ZNF362: variants seen among roughly 807,000 people sequenced by gnomAD.
The protein encoded by ZNF362 is rotund homolog.
ZNF362 carries 11 observed loss-of-function variants against 42.9 expected under a neutral mutation model. The ratio of observed to expected loss-of-function variants is 0.26; its 90% CI spans 0.16 to 0.42. The LOEUF (loss-of-function observed/expected upper bound fraction) is 0.42, where lower values mean the gene tolerates loss of function less well. ZNF362 is among the 20% of genes least tolerant of loss of function. ZNF362 has a pLI of 1.00. For synonymous variants in ZNF362, 255 were observed against 257.3 expected (o/e 0.99, Z 0.09); for missense variants, 362 against 576.2 (o/e 0.63, Z 3.81).
the ZNF362 span, chr1:33,181,040 G>C: frequency 6.3e-7 from 1 of 1,591,918 alleles, no homozygotes; most frequent in Non-Finnish European, 8.5e-7. The surrounding 1 kb of genome is among the most constrained non-coding windows in gnomAD (Gnocchi z 6.5). Flanking sequence ...GCTCGTCGAA[G>C]GCGTCGTCGA....
chr1:33,243,062 A>G, the ZNF362 span, among the ~76,000 whole-genome samples: 1 of 151,976 alleles, frequency 6.6e-6, no homozygotes, highest in Non-Finnish European at 1.5e-5. Flanking sequence ...AGAGATATTC[A>G]AAATAATTAT....
intron 6 of ZNF362, among the ~76,000 whole-genome samples, chr1:33,292,341 G>T (rs879983804): frequency 1.3e-5 from 2 of 152,136 alleles, no homozygotes; most frequent in Admixed American, 1.3e-4. Context: ...GGTGTTTGTC[G>T]TTGGTTCTGT....
At chr1:33,297,511 C>CTTTTTTTTTTTTTTTTT (rs776504622) in intron 8 of ZNF362, among the ~76,000 whole-genome samples, 2 of 78,906 alleles carry the variant, frequency 2.5e-5, no homozygotes, top group Non-Finnish European at 2.3e-5. Flanking sequence ...TACATGATTC[C>CTTTTTTTTTTTTTTTTT]TCTTTTTTTT....
chr1:33,273,742 A>T (rs1246559075), intron 2 of ZNF362, among the ~76,000 whole-genome samples: 1 of 152,194 alleles, frequency 6.6e-6, no homozygotes, highest in Non-Finnish European at 1.5e-5. Flanking sequence ...TTCCTCCGTG[A>T]AATCAGGGTG....
the ZNF362 span, among the ~76,000 whole-genome samples, chr1:33,218,154 T>C: frequency 6.6e-6 from 1 of 152,170 alleles, no homozygotes; most frequent in African/African-American, 2.4e-5. Flanking sequence ...GGTAGAAAAA[T>C]GTAGGGGCTG....
At chr1:33,189,708 C>T in the ZNF362 span, among the ~76,000 whole-genome samples, 2,998 of 6,944 alleles carry the variant, frequency 0.43, 262 homozygotes, top group Middle Eastern at 0.67. Flanking sequence ...CACATATATA[C>T]GTATATATAT....
At chr1:33,252,145 G>A (rs1373241427), upstream of ZNF362, among the ~76,000 whole-genome samples, 1 of 152,210 alleles carries the variant, frequency 6.6e-6, no homozygotes, top group Non-Finnish European at 1.5e-5. Context: ...CTGAGGTCGG[G>A]AGTTTGAGAC....
At chr1:33,202,070 G>A in the ZNF362 span, among the ~76,000 whole-genome samples, 12 of 152,116 alleles carry the variant, frequency 7.9e-5, no homozygotes, top group African/African-American at 2.9e-4. Flanking sequence ...CACTCAAGAA[G>A]AAATAAATAA....
chr1:33,250,862 G>C, the ZNF362 span, among the ~76,000 whole-genome samples: 1 of 145,770 alleles, frequency 6.9e-6, no homozygotes, highest in Non-Finnish European at 1.5e-5. Context: ...GGAAGAAGAA[G>C]AAGAAGAAGA....
chr1:33,192,028 A>G, the ZNF362 span, among the ~76,000 whole-genome samples: 1 of 152,304 alleles, frequency 6.6e-6, no homozygotes, highest in East Asian at 1.9e-4. Flanking sequence ...TACTACTTTC[A>G]TCATTAGGTT....
chr1:33,238,368 A>AAATAAAATAAAATAAAATAAAAT, the ZNF362 span, among the ~76,000 whole-genome samples: 10 of 103,942 alleles, frequency 9.6e-5, no homozygotes, highest in East Asian at 2.7e-4. Context: ...TAAAATAATA[A>AAATAAAATAAAATAAAATAAAAT]AATAAAATAA....
the ZNF362 span, among the ~76,000 whole-genome samples, chr1:33,223,271 C>CA: frequency 2.0e-5 from 3 of 151,840 alleles, no homozygotes; most frequent in South Asian, 2.1e-4. Flanking sequence ...AACCAAAAAA[C>CA]AAAAAAACAC....
At chr1:33,136,897 T>C in the ZNF362 span, among the ~76,000 whole-genome samples, 1 of 151,020 alleles carries the variant, frequency 6.6e-6, no homozygotes, top group Admixed American at 6.6e-5. Flanking sequence ...CTTGGGAGGC[T>C]GAGACAGGAT....
the ZNF362 span, among the ~76,000 whole-genome samples, chr1:33,242,042 C>T: frequency 1.3e-5 from 2 of 152,132 alleles, no homozygotes; most frequent in African/African-American, 4.8e-5. Flanking sequence ...AGCATCAGTC[C>T]AGCAAGAAGA....
At chr1:33,250,323 C>T in the ZNF362 span, among the ~76,000 whole-genome samples, 1 of 152,136 alleles carries the variant, frequency 6.6e-6, no homozygotes, top group African/African-American at 2.4e-5. Flanking sequence ...GTAGCAAAGA[C>T]ATGGAATCAA....
chr1:33,143,237 C>T, the ZNF362 span: 5 of 152,144 alleles, frequency 3.3e-5, no homozygotes, highest in Non-Finnish European at 7.3e-5. Context: ...CAAATTTGGC[C>T]TCTATAGTTA....
intron 1 of ZNF362, among the ~76,000 whole-genome samples, chr1:33,269,805 T>A (rs183462753): frequency 6.6e-6 from 1 of 152,192 alleles, no homozygotes; most frequent in Non-Finnish European, 1.5e-5. Context: ...GGGTAAGTCT[T>A]GTGACATTCC....
At chr1:33,185,378 C>A in the ZNF362 span, among the ~76,000 whole-genome samples, 2 of 151,708 alleles carry the variant, frequency 1.3e-5, no homozygotes, top group Non-Finnish European at 2.9e-5. Flanking sequence ...CCCGCCACCA[C>A]GCCAAGCTAA....
chr1:33,287,194 C>T (rs1646039124), intron 6 of ZNF362, among the ~76,000 whole-genome samples: 1 of 152,186 alleles, frequency 6.6e-6, no homozygotes, highest in African/African-American at 2.4e-5. Flanking sequence ...GGTAGAAAAC[C>T]AGCATTGTCT....
Sources: gnomAD v4.1 joint callset for allele counts (sites outside exome capture counted in the v4.1 genomes callset) on GRCh38, gnomAD v4.1.1 for gene constraint, Gnocchi (gnomAD v3.1) non-coding constraint, MANE v1.5 for transcripts, NCBI Gene and HGNC (gene_info 2026-07-23, HGNC 2026-07-21) for gene names.